SUCO: variants seen among roughly 807,000 people sequenced by gnomAD.
SUCO encodes SUN domain containing ossification factor.
In SUCO, 57 loss-of-function variants were observed where a neutral mutation model predicts 148.1. That is an observed-to-expected ratio of 0.38 (90% CI 0.31 to 0.48). The LOEUF is 0.48. Ranked by LOEUF, SUCO falls within the 20% of genes least tolerant of loss-of-function variation. SUCO has a pLI of 0.96. For missense variants in SUCO, 1,331 were observed against 1,468.2 expected, an observed-to-expected ratio of 0.91 and a Z score of 1.53; for synonymous variants, 470 against 502.7, an observed-to-expected ratio of 0.93 and a Z score of 0.87.
intron 22 of SUCO, 65 bp downstream of exon 22, chr1:172,602,852 A>C: frequency 2.2e-6 from 3 of 1,363,166 alleles, no homozygotes; most frequent in Non-Finnish European, 3.1e-6. Flanking sequence ...CATAAATATA[A>C]TGTCAGTGTT....
chr1:172,569,071 C>G lies in SUCO; in HGVS notation c.785C>G (p.Pro262Arg). ...ATTGACCCTACATCAGTAGCAAGTC[C>G]CAAAGATCCAGAAGATATACCAACA... ...GDIDPTSVAS[P>R]KDPEDIPTFD... The change falls in exon 7 of 24, where the codon CCC becomes CGC. Residue 262 changes from proline (P) to arginine (R), a missense_variant. Transcript: ENST00000263688. The G allele has an allele frequency of 1.3e-6, 2 of 1,595,796 alleles. No individual in the cohort carries two copies. The highest frequency in any genetic ancestry group is 1.7e-6 in the Non-Finnish European group (2 of 1,173,702).
chr1:172,560,489 A>C (rs1000947336), intron 6 of SUCO, among the ~76,000 whole-genome samples: 5 of 152,212 alleles, frequency 3.3e-5, no homozygotes, highest in African/African-American at 1.2e-4. Context: ...TTTGCCAAAG[A>C]GTCTAGGGAC....
chr1:172,557,823 C>T lies in SUCO; in HGVS notation c.732+29C>T, dbSNP rs550654963. 47 of 1,518,110 alleles carry T rather than the reference C, an allele frequency of 3.1e-5. No individual in the cohort carries two copies. The African/African-American group carries it at 4.0e-4, about 13-fold the overall frequency. 94.0% of individuals were successfully genotyped at this position (1,518,110 alleles called of 1,614,324 possible). On this transcript the variant is annotated intron_variant, in intron 6 of 23. Transcript: ENST00000263688. ...GGTATATAACTTGCACTATCTCTTA[C>T]TTCTTTATGTAATGCATTTTTGTTA...
intron 22 of SUCO, chr1:172,608,503 A>C (rs534210096): frequency 2.0e-4 from 97 of 493,712 alleles, no homozygotes; most frequent in Admixed American, 4.0e-4. Flanking sequence ...TAACAACTTA[A>C]GGAAGTATAG....
intron 6 of SUCO, among the ~76,000 whole-genome samples, chr1:172,561,479 T>C (rs1048551747): frequency 6.6e-6 from 1 of 152,156 alleles, no homozygotes; most frequent in African/African-American, 2.4e-5. Context: ...CTATAATTTT[T>C]GAAATATTTA....
intron 1 of SUCO, among the ~76,000 whole-genome samples, chr1:172,540,203 A>G (rs1182797512): frequency 6.6e-6 from 1 of 152,242 alleles, no homozygotes; most frequent in Non-Finnish European, 1.5e-5. Context: ...TAAGAAGGCC[A>G]GGTTCTAAGC....
At chr1:172,542,689 G>T in intron 1 of SUCO, 11 of 978,708 alleles carry the variant, frequency 1.1e-5, no homozygotes, top group Non-Finnish European at 1.3e-5. Context: ...CCATGAAACT[G>T]GTCTCTGGTG....
chr1:172,560,137 CT>C (rs924096386), intron 6 of SUCO, among the ~76,000 whole-genome samples: 20 of 152,338 alleles, frequency 1.3e-4, no homozygotes, highest in South Asian at 1.0e-3. Flanking sequence ...CTAACGTTAT[CT>C]TTACCTGGAA....
At position 172,589,875 on chromosome 1, in the gene SUCO, T is replaced by C. The variant is rs1288238784; in HGVS notation, c.2774T>C (p.Leu925Ser). The C allele has an allele frequency of 1.3e-6, 2 of 1,565,492 alleles. No homozygotes were observed. Among genetic ancestry groups the C allele is most frequent in the Non-Finnish European group, 1.7e-6 (2 of 1,164,840 alleles). Residue 925 changes from leucine to serine, a missense_variant, in exon 18 of 24, where the codon TTA becomes TCA. Leu to Ser is a moderately radical substitution (Grantham distance 145). Transcript: ENST00000263688. Reference protein sequence around the residue: ...FMRLNNRIKALEVNMSLSGRY... With the variant: ...FMRLNNRIKASEVNMSLSGRY... Reference sequence around the variant, plus strand: ...AGACTTAATAATCGTATTAAAGCCTTAGAAGTTAACATGTCTCTCAGTGGT... The same window carrying C: ...AGACTTAATAATCGTATTAAAGCCTCAGAAGTTAACATGTCTCTCAGTGGT...
intron 1 of SUCO, among the ~76,000 whole-genome samples, chr1:172,539,166 T>G (rs1652251480): frequency 1.3e-5 from 2 of 152,216 alleles, no homozygotes. Context: ...ATAATTAATA[T>G]TCTTATGCTT....
Position 172,551,643 on chromosome 1 carries a change from T to A in SUCO, c.177+17T>A. 1 of 1,484,282 alleles carries A rather than the reference T, an allele frequency of 6.7e-7. No individual in the cohort carries two copies. Among genetic ancestry groups the A allele is most frequent in the Non-Finnish European group, 9.3e-7 (1 of 1,071,228 alleles). 91.9% of individuals were successfully genotyped at this position (1,484,282 alleles called of 1,614,324 possible). ...CAGAAAAAGGTGCCTTAAATAAAGT[T>A]AACATTATAATTTGTGTGTCAGCTT... On this transcript the variant is annotated intron_variant, in intron 2 of 23. Transcript: ENST00000263688.
chr1:172,543,819 G>T (rs532455482), intron 1 of SUCO, among the ~76,000 whole-genome samples: 1 of 152,116 alleles, frequency 6.6e-6, no homozygotes, highest in African/African-American at 2.4e-5. Context: ...GGAGAAAGAG[G>T]CCCAGTATGC....
intron 19 of SUCO, among the ~76,000 whole-genome samples, chr1:172,596,894 T>C (rs1335837330): frequency 6.6e-6 from 1 of 152,214 alleles, no homozygotes; most frequent in East Asian, 1.9e-4. Context: ...AGACGGAGTC[T>C]ACAGAGGCAG....
chr1:172,602,298 G>T, intron 21 of SUCO, 80 bp downstream of exon 21: 1 of 1,389,120 alleles, frequency 7.2e-7, no homozygotes, highest in Non-Finnish European at 9.5e-7. Flanking sequence ...AGCAAATAAA[G>T]GGAGACTGAG....
At chr1:172,532,418 G>T, upstream of SUCO, 3 of 1,414,086 alleles carry the variant, frequency 2.1e-6, no homozygotes, top group South Asian at 3.9e-5. Flanking sequence ...GGCAAGCGGC[G>T]AAATTCTTGC....
chr1:172,598,468 C>T (rs2149267906), intron 19 of SUCO, among the ~76,000 whole-genome samples: 1 of 152,242 alleles, frequency 6.6e-6, no homozygotes, highest in African/African-American at 2.4e-5. Flanking sequence ...GCTTGTTAAT[C>T]TCTACCAAAA....
At chr1:172,593,486 G>T (rs559743433) in intron 19 of SUCO, among the ~76,000 whole-genome samples, 1 of 152,050 alleles carries the variant, frequency 6.6e-6, no homozygotes, top group South Asian at 2.1e-4. Flanking sequence ...TAGCATGAAG[G>T]GTTGTTGAAT....
At chr1:172,535,251 G>GT (rs1205507549) in intron 1 of SUCO, among the ~76,000 whole-genome samples, 2 of 152,178 alleles carry the variant, frequency 1.3e-5, no homozygotes, top group African/African-American at 4.8e-5. Flanking sequence ...GATGTGGAGA[G>GT]TTTAAGAGTG....
At chr1:172,547,690 G>A (rs1193376497) in intron 1 of SUCO, among the ~76,000 whole-genome samples, 1 of 152,140 alleles carries the variant, frequency 6.6e-6, no homozygotes, top group East Asian at 1.9e-4. Flanking sequence ...CATGACAAAT[G>A]CAGGACATGA....
Sources: gnomAD v4.1 joint callset for allele counts (sites outside exome capture counted in the v4.1 genomes callset) on GRCh38, gnomAD v4.1.1 for gene constraint, MANE v1.5 for transcripts, NCBI Gene and HGNC (gene_info 2026-07-23, HGNC 2026-07-21) for gene names.